GRM8: variants seen among roughly 807,000 people sequenced by gnomAD.
GRM8 encodes the protein metabotropic glutamate receptor 8.
Under a neutral mutation model 87.2 loss-of-function variants are expected in GRM8, and 47 were observed. The observed-to-expected ratio is 0.54, with a 90% CI of 0.43 to 0.69. GRM8 has a LOEUF of 0.69. Ranked by LOEUF, GRM8 falls within the 30% of genes least tolerant of loss-of-function variation. GRM8 has a pLI of 0.00. For synonymous variants in GRM8, 396 were observed against 404.5 expected, an observed-to-expected ratio of 0.98 and a Z score of 0.25; for missense variants, 1,019 against 1,139.2, an observed-to-expected ratio of 0.89 and a Z score of 1.52.
chr7:126,447,245 G>A (rs1399052051), intron 9 of GRM8: 1 of 151,644 alleles, frequency 6.6e-6, no homozygotes, highest in Non-Finnish European at 1.5e-5. Flanking sequence ...TTTGGTTATG[G>A]TATAGAAACA....
chr7:127,076,150 T>C (rs1357514198), intron 3 of GRM8: 32 of 456,450 alleles, frequency 7.0e-5, no homozygotes, highest in Non-Finnish European at 4.4e-6. Context: ...GACAGCTGCA[T>C]TAGAAGCAGA....
At chr7:126,665,074 C>A (rs1251606794) in intron 7 of GRM8, among the ~76,000 whole-genome samples, 3 of 152,094 alleles carry the variant, frequency 2.0e-5, no homozygotes, top group African/African-American at 7.2e-5. Context: ...TACCATCTCA[C>A]ACCAGTCAGA....
chr7:126,599,834 CG>C (rs1797563176), intron 8 of GRM8, among the ~76,000 whole-genome samples: 2 of 152,190 alleles, frequency 1.3e-5, no homozygotes, highest in Admixed American at 1.3e-4. Context: ...ATGCTGAACC[CG>C]CATAGTCCTG....
chr7:126,900,656 C>A lies in GRM8; in HGVS notation c.1156+1886G>T, dbSNP rs1363561410. On this transcript the variant is annotated intron_variant, in intron 6 of 10. Transcript: ENST00000339582. ...TCCCAAGTAGCTGGGACTACAGGCG[C>A]CCGCCACACGCCGGGCTAATTTTTT... 8.5e-5 allele frequency among the ~76,000 whole-genome samples: 5 copies of A among 58,694 alleles called. No homozygotes were observed. In the East Asian group the frequency reaches 0.015, roughly 177 times the overall value. The allele number at this position is 58,694 out of a possible 152,430, so 38.5% of individuals were successfully genotyped here.
intron 3 of GRM8, among the ~76,000 whole-genome samples, chr7:126,968,075 A>G (rs1810056661): frequency 6.6e-6 from 1 of 152,220 alleles, no homozygotes; most frequent in Non-Finnish European, 1.5e-5. Flanking sequence ...TCAGCTTATG[A>G]AAATGTCTTA....
chr7:126,536,985 T>C (rs1456341925), intron 8 of GRM8, among the ~76,000 whole-genome samples: 1 of 152,180 alleles, frequency 6.6e-6, no homozygotes, highest in Non-Finnish European at 1.5e-5. Context: ...ATAAGATGTG[T>C]TAAAAAAGAA....
chr7:127,245,311 G>A (rs1323324395), intron 1 of GRM8, among the ~76,000 whole-genome samples: 1 of 152,168 alleles, frequency 6.6e-6, no homozygotes, highest in African/African-American at 2.4e-5. Context: ...TGGCTGAGCC[G>A]ACCCTTGTTC....
intron 2 of GRM8, among the ~76,000 whole-genome samples, chr7:127,204,795 C>T (rs760344856): frequency 1.3e-5 from 2 of 152,050 alleles, no homozygotes; most frequent in Non-Finnish European, 2.9e-5. Context: ...CATTTGAGTA[C>T]AATTTATGTT....
chr7:127,214,015 A>G (rs1047767480), intron 2 of GRM8, among the ~76,000 whole-genome samples: 73 of 152,260 alleles, frequency 4.8e-4, no homozygotes, highest in Non-Finnish European at 1.2e-4. Context: ...AAATAAGAAA[A>G]GTATAACTAT....
chr7:126,717,959 G>A (rs569370707), intron 7 of GRM8, among the ~76,000 whole-genome samples: 59 of 152,236 alleles, frequency 3.9e-4, no homozygotes, highest in Non-Finnish European at 6.8e-4. Context: ...TTGGCCGGGC[G>A]TGGTGGCTCA....
chr7:126,737,725 G>A (rs1814399372), intron 7 of GRM8, among the ~76,000 whole-genome samples: 1 of 151,922 alleles, frequency 6.6e-6, no homozygotes, highest in Non-Finnish European at 1.5e-5. Flanking sequence ...AACATCTATT[G>A]AACACCTCTT....
chr7:126,638,785 A>G (rs1172978759), intron 7 of GRM8, among the ~76,000 whole-genome samples: 1 of 152,214 alleles, frequency 6.6e-6, no homozygotes, highest in East Asian at 1.9e-4. Flanking sequence ...ATCCCAGTCT[A>G]GACACCCTGG....
intron 2 of GRM8, among the ~76,000 whole-genome samples, chr7:127,223,806 C>A (rs918841192): frequency 6.9e-6 from 1 of 145,952 alleles, no homozygotes; most frequent in South Asian, 2.2e-4. Context: ...GTTCTTGAAA[C>A]AAAAAACTAC....
chr7:127,015,059 AAGAAGAAGAAAGAAAGAAGGAG>A lies in GRM8; in HGVS notation c.727+91415_727+91436del, dbSNP rs1563413386. ...GAAGAAGAAGAAGAAGAAGAAGAAGAAGAAGAAGAAAGAAAGAAGGAGAAGAAGGAGAAGAAGGAGAAGGAGA... is the reference window on the plus strand; with the variant it reads ...GAAGAAGAAGAAGAAGAAGAAGAAGAAAGAAGGAGAAGAAGGAGAAGGAGA... On this transcript the variant is annotated intron_variant, in intron 3 of 10. Transcript: ENST00000339582. 3.2e-3 allele frequency among the ~76,000 whole-genome samples: 379 copies of A among 117,004 alleles called. 5 individuals are homozygous for A. Among genetic ancestry groups the A allele is most frequent in the Non-Finnish European group, 5.5e-3 (283 of 51,400 alleles). 76.8% of individuals were successfully genotyped at this position (117,004 alleles called of 152,430 possible). A position where few individuals can be genotyped will look rare whatever the true frequency, so the allele number is the denominator to read the frequency against.
At chr7:126,749,072 G>A (rs1356933342) in intron 7 of GRM8, among the ~76,000 whole-genome samples, 2 of 151,918 alleles carry the variant, frequency 1.3e-5, no homozygotes, top group East Asian at 1.9e-4. Context: ...TCAGGAGTTC[G>A]AGACCAGCCT....
At chr7:126,737,377 C>A (rs939851055) in intron 7 of GRM8, among the ~76,000 whole-genome samples, 1 of 152,034 alleles carries the variant, frequency 6.6e-6, no homozygotes, top group Non-Finnish European at 1.5e-5. Flanking sequence ...GCACTTCCAA[C>A]TTACTGGCAC....
At chr7:126,783,187 A>G (rs899034788) in intron 6 of GRM8, among the ~76,000 whole-genome samples, 1 of 152,102 alleles carries the variant, frequency 6.6e-6, no homozygotes. Context: ...TTCTCCCCCA[A>G]TGATCTAAAA....
At chr7:127,163,650 C>T (rs1165587439) in intron 2 of GRM8, among the ~76,000 whole-genome samples, 2 of 152,042 alleles carry the variant, frequency 1.3e-5, no homozygotes, top group African/African-American at 4.8e-5. Context: ...AGAGATACAT[C>T]CTGAAGTATT....
At chr7:126,450,170 T>A (rs1802459498) in intron 9 of GRM8, among the ~76,000 whole-genome samples, 2 of 151,342 alleles carry the variant, frequency 1.3e-5, no homozygotes, top group Middle Eastern at 6.8e-3. Flanking sequence ...CCAGGAAGAG[T>A]GAGGAGGGAG....
Sources: gnomAD v4.1 joint callset for allele counts (sites outside exome capture counted in the v4.1 genomes callset) on GRCh38, gnomAD v4.1.1 for gene constraint, MANE v1.5 for transcripts, NCBI Gene and HGNC (gene_info 2026-07-23, HGNC 2026-07-21) for gene names.